PRRX1: variants seen among roughly 807,000 people sequenced by gnomAD.
PRRX1 encodes the protein paired related homeobox 1.
Under a neutral mutation model 24.0 loss-of-function variants are expected in PRRX1, and 8 were observed. That is an observed-to-expected ratio of 0.33 (90% CI 0.20 to 0.60). The LOEUF is 0.60. Ranked by LOEUF, PRRX1 falls within the 20% of genes least tolerant of loss-of-function variation. The probability of loss-of-function intolerance (pLI) is 0.82; values close to 1 mark genes in which losing one functional copy is unlikely to be tolerated. For missense variants in PRRX1, 281 were observed against 322.4 expected (o/e 0.87, Z 0.98); for synonymous variants, 160 against 131.7 (o/e 1.22, Z -1.47).
At position 170,736,285 on chromosome 1, in the gene PRRX1, T is replaced by C. The variant is rs1423814340; in HGVS notation, c.*99T>C. 2.7e-6 allele frequency: 4 copies of C among 1,492,138 alleles called. No homozygotes were observed. Among genetic ancestry groups the C allele is most frequent in the African/African-American group, 1.4e-5 (1 of 71,322 alleles). 92.4% of individuals were successfully genotyped at this position (1,492,138 alleles called of 1,614,324 possible). A position where few individuals can be genotyped will look rare whatever the true frequency, so the allele number is the denominator to read the frequency against. ...TCATCTGCTGGGGGGAAAAAGTAAA[T>C]TACAAACAAACAAACAAAGCAGAAC... is the stretch of plus-strand genomic sequence containing the variant. On this transcript the variant is annotated 3_prime_UTR_variant, in exon 4 of 4. Coordinates refer to ENST00000239461, the MANE Select transcript of PRRX1 (RefSeq NM_022716.4).
At chr1:170,723,077 C>T (rs1025284115) in intron 2 of PRRX1, among the ~76,000 whole-genome samples, 4 of 152,064 alleles carry the variant, frequency 2.6e-5, no homozygotes, top group Admixed American at 6.6e-5. Context: ...CTGTGAGTAA[C>T]GGGGAGCCAG....
intron 1 of PRRX1, among the ~76,000 whole-genome samples, chr1:170,705,994 C>A (rs1043570544): frequency 7.9e-5 from 12 of 151,224 alleles, no homozygotes; most frequent in Non-Finnish European, 1.5e-4. Flanking sequence ...ATTATGCCCC[C>A]CACCCTTAAA....
intron 1 of PRRX1, among the ~76,000 whole-genome samples, chr1:170,672,618 T>C (rs745552637): frequency 2.0e-5 from 3 of 152,200 alleles, no homozygotes; most frequent in Non-Finnish European, 4.4e-5. Flanking sequence ...CCAAATCTTT[T>C]CAAAGAGAAT....
chr1:170,709,429 A>C (rs1654672993), intron 1 of PRRX1, among the ~76,000 whole-genome samples: 1 of 152,206 alleles, frequency 6.6e-6, no homozygotes, highest in Non-Finnish European at 1.5e-5. Flanking sequence ...TTGGGTGAGA[A>C]ATAATAGATC....
chr1:170,699,819 TC>T (rs1259949851), intron 1 of PRRX1, among the ~76,000 whole-genome samples: 20 of 151,986 alleles, frequency 1.3e-4, no homozygotes, highest in Admixed American at 1.1e-3. Flanking sequence ...CACTGCAACC[TC>T]CCCCTCCTGG....
chr1:170,699,013 A>G (rs1654265086), intron 1 of PRRX1, among the ~76,000 whole-genome samples: 2 of 152,234 alleles, frequency 1.3e-5, no homozygotes, highest in African/African-American at 4.8e-5. Context: ...TTGACGGTGA[A>G]GTCTGCACTT....
rs1327890681 is a variant in PRRX1, at chr1:170,737,161, A to G, written c.*975A>G. On this transcript the variant is annotated 3_prime_UTR_variant, in exon 4 of 4. Coordinates refer to ENST00000239461, the MANE Select transcript of PRRX1 (RefSeq NM_022716.4). ...ACTGTATATATTTATATATTTATAT[A>G]TATATTTCATATATATATATAATAT... 3.7e-5 allele frequency: 6 copies of G among 161,384 alleles called. No homozygotes were observed. Among genetic ancestry groups the G allele is most frequent in the Non-Finnish European group, 8.0e-5 (6 of 74,768 alleles). The allele number at this position is 161,384 out of a possible 1,614,324, so 10.0% of individuals were successfully genotyped here.
At position 170,736,048 on chromosome 1, in the gene PRRX1, C is replaced by T. The variant is rs151333816; in HGVS notation, c.600C>T (p.Ser200=). Residue 200 remains serine (S), a splice_region_variant and synonymous_variant, in exon 4 of 4, where the codon AGC becomes AGT. Transcript: ENST00000239461. ...YLSWGTASPY[S]AMATYSATCA... ...CCTGCTCTCTCCTTTGTCCCTACAG[C>T]GCCATGGCTACTTATTCTGCCACAT... 6.7e-5 allele frequency: 108 copies of T among 1,613,862 alleles called. No individual in the cohort carries two copies. The highest frequency in any genetic ancestry group is 2.0e-4 in the South Asian group (18 of 91,086).
chr1:170,694,140 T>C (rs566811011), intron 1 of PRRX1, among the ~76,000 whole-genome samples: 1 of 152,250 alleles, frequency 6.6e-6, no homozygotes, highest in South Asian at 2.1e-4. Flanking sequence ...TTCAGCACCA[T>C]AAGGTTTCAG....
At chr1:170,680,367 G>A (rs1264180559) in intron 1 of PRRX1, among the ~76,000 whole-genome samples, 3 of 152,122 alleles carry the variant, frequency 2.0e-5, no homozygotes, top group African/African-American at 7.2e-5. Flanking sequence ...ATGTGAAGGG[G>A]CAGAAAACAG....
intron 1 of PRRX1, among the ~76,000 whole-genome samples, chr1:170,674,500 C>T (rs564973367): frequency 3.9e-5 from 6 of 152,282 alleles, no homozygotes; most frequent in African/African-American, 1.4e-4. Context: ...ACACAAATCT[C>T]TTTTCTCAAG....
At chr1:170,733,903 G>T (rs1024718782) in intron 3 of PRRX1, among the ~76,000 whole-genome samples, 1 of 152,058 alleles carries the variant, frequency 6.6e-6, no homozygotes, top group Non-Finnish European at 1.5e-5. Flanking sequence ...GAAAATAAAT[G>T]ACATTTCTTG....
intron 1 of PRRX1, among the ~76,000 whole-genome samples, chr1:170,701,761 T>C (rs1014163866): frequency 6.6e-6 from 1 of 152,206 alleles, no homozygotes; most frequent in Non-Finnish European, 1.5e-5. Context: ...GTTTATACAG[T>C]ACAGCATGAT....
rs1410920167 is a variant in PRRX1, at chr1:170,736,550, A to G, written c.*364A>G. The stretch of plus-strand genomic sequence containing the variant: ...ACTACAGCAGCCAAAGAAACTATAT[A>G]TATATATATATATATATATATCCAG... On this transcript the variant is annotated 3_prime_UTR_variant, in exon 4 of 4. Transcript: ENST00000239461. The G allele has an allele frequency of 4.4e-5, 1 of 22,798 alleles. No individual in the cohort carries two copies. Among genetic ancestry groups the G allele is most frequent in the Admixed American group, 6.6e-4 (1 of 1,522 alleles). 1.4% of individuals were successfully genotyped at this position (22,798 alleles called of 1,614,324 possible). A position where few individuals can be genotyped will look rare whatever the true frequency, so the allele number is the denominator to read the frequency against.
intron 1 of PRRX1, among the ~76,000 whole-genome samples, chr1:170,719,159 T>A (rs1344152641): frequency 2.0e-5 from 3 of 152,076 alleles, no homozygotes; most frequent in African/African-American, 7.2e-5. Flanking sequence ...GAGCCTTGAG[T>A]GAATGGTGTT....
intron 1 of PRRX1, among the ~76,000 whole-genome samples, chr1:170,700,888 G>C (rs1470813166): frequency 6.6e-6 from 1 of 152,142 alleles, no homozygotes; most frequent in African/African-American, 2.4e-5. Context: ...CAAATGCTGG[G>C]CTGAGACAAC....
At position 170,738,619 on chromosome 1, in the gene PRRX1, A is replaced by G. The variant is rs1266464162; in HGVS notation, c.*2433A>G. Reference sequence around the variant, plus strand: ...TGAGTATAATCCAAGTAACTGGTGAACTTTGGAGGTTTGGAGCTTGAAGAG... The same window carrying G: ...TGAGTATAATCCAAGTAACTGGTGAGCTTTGGAGGTTTGGAGCTTGAAGAG... On this transcript the variant is annotated 3_prime_UTR_variant, in exon 4 of 4. Coordinates refer to ENST00000239461, the MANE Select transcript of PRRX1 (RefSeq NM_022716.4). 1 of 229,090 alleles carries G rather than the reference A, an allele frequency of 4.4e-6. No individual in the cohort carries two copies. The highest frequency in any genetic ancestry group is 2.2e-5 in the African/African-American group (1 of 45,168). The allele number at this position is 229,090 out of a possible 1,614,324, so 14.2% of individuals were successfully genotyped here.
intron 1 of PRRX1, among the ~76,000 whole-genome samples, chr1:170,699,458 C>A (rs1441734508): frequency 6.6e-6 from 1 of 151,886 alleles, no homozygotes. Context: ...CACAGCTCCT[C>A]TAGATAAATG....
At chr1:170,730,336 A>G in intron 3 of PRRX1, 1 of 1,610,244 alleles carries the variant, frequency 6.2e-7, no homozygotes. Context: ...TTCTAACGGA[A>G]GACACTGAAA....
Sources: gnomAD v4.1 joint callset for allele counts (sites outside exome capture counted in the v4.1 genomes callset) on GRCh38, gnomAD v4.1.1 for gene constraint, MANE v1.5 for transcripts, NCBI Gene and HGNC (gene_info 2026-07-23, HGNC 2026-07-21) for gene names.